IPO5: variants seen among roughly 807,000 people sequenced by gnomAD.
IPO5 encodes the protein importin-5.
Under a neutral mutation model 143.3 loss-of-function variants are expected in IPO5, and 18 were observed. That is an observed-to-expected ratio of 0.13 (90% confidence interval 0.09 to 0.19). The LOEUF is 0.19. Among genes scored for constraint, IPO5 ranks in the 10% least tolerant of loss-of-function variants. The pLI, the probability that IPO5 is intolerant of heterozygous loss-of-function variation, is 1.00. For missense variants in IPO5, 1,013 were observed against 1,336.9 expected (o/e 0.76, Z 3.78); for synonymous variants, 477 against 465.7 (o/e 1.02, Z -0.31).
At chr13:97,988,967 A>G in intron 6 of IPO5, 95 bp from the exon 7 acceptor site, 1 of 634,496 alleles carries the variant, frequency 1.6e-6, no homozygotes, top group Non-Finnish European at 2.8e-6. Flanking sequence ...TCACTACTCC[A>G]GGTTTGAATG....
At chr13:97,984,969 G>T (rs142841862) in intron 5 of IPO5, among the ~76,000 whole-genome samples, 1 of 152,134 alleles carries the variant, frequency 6.6e-6, no homozygotes, top group African/African-American at 2.4e-5. Flanking sequence ...CATGAAAGAA[G>T]CATTTTATCT....
chr13:97,989,247 T>G (rs941016751), intron 7 of IPO5, 83 bp downstream of exon 7: 2 of 702,798 alleles, frequency 2.8e-6, no homozygotes, highest in East Asian at 5.7e-5. Flanking sequence ...TTAGCCTAAT[T>G]TAACCTTATA....
Position 97,985,479 on chromosome 13 carries a change from T to A in IPO5, c.230T>A (p.Val77Asp). The A allele has an allele frequency of 1.2e-6, 2 of 1,614,132 alleles. No individual in the cohort carries two copies. Among genetic ancestry groups the A allele is most frequent in the Non-Finnish European group, 1.7e-6 (2 of 1,180,004 alleles). The change falls in exon 6 of 29, where the codon GTC (valine) becomes GAC (aspartate). Residue 77 changes from valine to aspartate, a missense_variant. By Grantham distance (152) the Val-to-Asp change is radical. Coordinates refer to ENST00000651721, the MANE Select transcript of IPO5 (RefSeq NM_002271.6). ...RRLLSSAFDE[V>D]YPALPSDVQT... ...CTCTTGTCCTCTGCATTTGATGAAG[T>A]CTATCCAGCACTTCCCTCTGATGTT...
chr13:97,981,915 A>G (rs746968065), intron 4 of IPO5: 2 of 152,728 alleles, frequency 1.3e-5, no homozygotes, highest in Admixed American at 6.5e-5. Flanking sequence ...ATAGATCTAC[A>G]AAAGACGATA....
intron 12 of IPO5, among the ~76,000 whole-genome samples, chr13:97,998,208 A>T (rs1362637575): frequency 6.6e-6 from 1 of 152,120 alleles, no homozygotes; most frequent in Non-Finnish European, 1.5e-5. Context: ...ATCTCCTGAC[A>T]TCATGATCCG....
At chr13:98,013,943 G>C in intron 21 of IPO5, 99 bp from the exon 22 acceptor site, 1 of 970,112 alleles carries the variant, frequency 1.0e-6, no homozygotes, top group Non-Finnish European at 1.5e-6. Flanking sequence ...GGGTATCTTA[G>C]ATAAACAGAA....
intron 3 of IPO5, among the ~76,000 whole-genome samples, chr13:97,973,042 TTTTTTTTTTTTTTTTTTTGAGAGGG>T (rs1885959679): frequency 7.8e-6 from 1 of 128,628 alleles, no homozygotes; most frequent in Admixed American, 7.5e-5. Flanking sequence ...TATCTTCTTT[TTTTTTTTTTTTTTTTTTTGAGAGGG>T]AGTCTCACTC....
At chr13:97,985,272 A>G (rs1224275801) in intron 5 of IPO5, 149 bp from the exon 6 acceptor site, 10 of 619,986 alleles carry the variant, frequency 1.6e-5, no homozygotes, top group African/African-American at 3.7e-5. Context: ...CACTAACAAA[A>G]TAAGTCTGTA....
chr13:97,990,142 T>C lies in IPO5; in HGVS notation c.484T>C (p.Phe162Leu). The change falls in exon 8 of 29, where the codon TTT becomes CTT. Residue 162 changes from phenylalanine (F) to leucine (L), a missense_variant. Physicochemically the swap from Phe to Leu is conservative, Grantham distance 22. Transcript: ENST00000651721. The stretch of plus-strand genomic sequence containing the variant: ...ATCTTTTAGGAACTTTCCTGGAATT[T>C]TTGGGAACCAGCAACAACACTATTT... The part of the protein sequence containing the change: ...LHIFWNFPGI[F>L]GNQQQHYLDV... 6.2e-7 allele frequency: 1 copy of C among 1,610,830 alleles called. No homozygotes were observed. The highest frequency in any genetic ancestry group is 8.5e-7 in the Non-Finnish European group (1 of 1,177,322).
intron 17 of IPO5, among the ~76,000 whole-genome samples, chr13:98,007,064 G>A (rs970285129): frequency 2.0e-5 from 3 of 151,678 alleles, no homozygotes; most frequent in African/African-American, 2.4e-5. Context: ...GTAGAGATGG[G>A]GTTTCACTGT....
At chr13:97,958,216 G>T (rs1200846104) in intron 2 of IPO5, among the ~76,000 whole-genome samples, 1 of 152,084 alleles carries the variant, frequency 6.6e-6, no homozygotes, top group Non-Finnish European at 1.5e-5. Flanking sequence ...TGCCATGAAA[G>T]TGATGGCTTG....
At chr13:98,016,601 AT>A in intron 24 of IPO5, 127 bp from the exon 25 acceptor site, 1 of 513,086 alleles carries the variant, frequency 1.9e-6, no homozygotes, top group South Asian at 4.1e-5. Context: ...TAGACTCTTG[AT>A]TTACCCTTAA....
chr13:97,989,546 T>C (rs1354944347), intron 7 of IPO5, among the ~76,000 whole-genome samples: 13 of 152,234 alleles, frequency 8.5e-5, no homozygotes, highest in Non-Finnish European at 1.9e-4. Context: ...CATTATGTTT[T>C]CTGGGTCTTG....
chr13:97,971,779 T>A (rs1594032325), intron 3 of IPO5, among the ~76,000 whole-genome samples: 1 of 152,048 alleles, frequency 6.6e-6, no homozygotes, highest in African/African-American at 2.4e-5. Context: ...CAAGACCCCA[T>A]CTCTAAAAAA....
rs1804741 is a variant in IPO5, at chr13:98,019,650, C to T, written c.2906C>T (p.Thr969Ile). 1.2e-6 allele frequency: 2 copies of T among 1,614,098 alleles called. No homozygotes were observed. The highest frequency in any genetic ancestry group is 1.7e-6 in the Non-Finnish European group (2 of 1,179,960). The change falls in exon 27 of 29, where the codon ACA becomes ATA. Residue 969 changes from threonine (T) to isoleucine (I), a missense_variant. Thr to Ile is a moderately conservative substitution (Grantham distance 89). Around this residue, in one of 2 missense-constraint regions of IPO5, gnomAD observed 685 missense variants for 994.9 expected, o/e 0.69. Transcript: ENST00000651721. ...DSKTKENVNATENCISAVGKI... is the reference protein window; with the variant it reads ...DSKTKENVNAIENCISAVGKI... ...AAGACCAAAGAAAATGTCAATGCTA[C>T]AGAGAACTGCATCTCAGCAGTAGGG...
intron 17 of IPO5, among the ~76,000 whole-genome samples, 194 bp from the exon 18 acceptor site, chr13:98,007,865 A>G (rs541573687): frequency 2.1e-4 from 32 of 152,368 alleles, no homozygotes; most frequent in Middle Eastern, 3.4e-3. Context: ...CCTGCCCTTC[A>G]GTGGAAAATA....
At position 97,955,907 on chromosome 13, in the gene IPO5, G is replaced by A. The variant is rs9584728; in HGVS notation, c.-113+1709G>A. 1.2e-3 allele frequency among the ~76,000 whole-genome samples: 181 copies of A among 152,244 alleles called. 2 individuals are homozygous for A. The highest frequency in any genetic ancestry group is 4.1e-3 in the African/African-American group (172 of 41,538). On this transcript the variant is annotated intron_variant, in intron 2 of 28. Coordinates refer to ENST00000651721, the MANE Select transcript of IPO5 (RefSeq NM_002271.6). Reference sequence around the variant, plus strand: ...AGCACTTTGGGAGGCCAAGGCAGGCGGATCACAAGGTCAGGAGACCAAGAC... The same window carrying A: ...AGCACTTTGGGAGGCCAAGGCAGGCAGATCACAAGGTCAGGAGACCAAGAC...
chr13:97,985,714 A>T, intron 6 of IPO5, 101 bp downstream of exon 6: 2 of 766,996 alleles, frequency 2.6e-6, no homozygotes, highest in Non-Finnish European at 2.2e-6. Context: ...TAAGTACCTG[A>T]GTACCATTTA....
At chr13:98,013,061 C>G (rs934632816) in intron 21 of IPO5, among the ~76,000 whole-genome samples, 1 of 151,826 alleles carries the variant, frequency 6.6e-6, no homozygotes, top group African/African-American at 2.4e-5. Flanking sequence ...CTTGGCACAT[C>G]TGCATTCTTT....
Sources: allele counts gnomAD v4.1 joint callset (sites outside exome capture counted in the v4.1 genomes callset), GRCh38; gene constraint gnomAD v4.1.1; regional missense constraint gnomAD v4.1.1; transcripts MANE v1.5; gene names NCBI Gene and HGNC (gene_info 2026-07-23, HGNC 2026-07-21).